Variants in LIPC observed in about 807,000 individuals in gnomAD.
LIPC encodes lipase C, hepatic type.
A neutral mutation model predicts 50.7 loss-of-function variants in LIPC; 44 were observed. The ratio of observed to expected loss-of-function variants is 0.87; its 90% CI spans 0.68 to 1.11. LIPC has a LOEUF of 1.11. Among genes scored for constraint, LIPC ranks in the 50% most tolerant of loss-of-function variants. The pLI is 0.00. For missense variants in LIPC, 697 were observed against 648.2 expected, an observed-to-expected ratio of 1.08 and a Z score of -0.82; for synonymous variants, 271 against 256.4, an observed-to-expected ratio of 1.06 and a Z score of -0.54.
intron 1 of LIPC, among the ~76,000 whole-genome samples, chr15:58,468,467 T>C (rs1356942237): frequency 6.6e-6 from 1 of 152,142 alleles, no homozygotes; most frequent in Non-Finnish European, 1.5e-5. Flanking sequence ...AAGATTCTGA[T>C]GCACACCCGT....
intron 1 of LIPC, chr15:58,432,378 T>C (rs1489536621): frequency 1.9e-6 from 1 of 521,486 alleles, no homozygotes. Flanking sequence ...GCGTATCTGA[T>C]ATGGAAACAG....
chr15:58,467,487 A>T (rs1469741947), intron 1 of LIPC, among the ~76,000 whole-genome samples: 2 of 152,158 alleles, frequency 1.3e-5, no homozygotes, highest in Non-Finnish European at 2.9e-5. Flanking sequence ...AGAGCTTTGC[A>T]GCCACTTTTA....
At chr15:58,439,303 T>C (rs931480654) in intron 1 of LIPC, among the ~76,000 whole-genome samples, 9 of 152,226 alleles carry the variant, frequency 5.9e-5, no homozygotes, top group Non-Finnish European at 1.0e-4. Context: ...AATGTTATAG[T>C]ATGTATATGG....
At chr15:58,458,875 G>T (rs1894230855) in intron 1 of LIPC, among the ~76,000 whole-genome samples, 1 of 152,204 alleles carries the variant, frequency 6.6e-6, no homozygotes, top group African/African-American at 2.4e-5. Flanking sequence ...TGTTCCTCAG[G>T]AGATGATTAA....
chr15:58,512,088 C>CT (rs1318887293), intron 1 of LIPC, among the ~76,000 whole-genome samples: 5 of 151,520 alleles, frequency 3.3e-5, no homozygotes, highest in Non-Finnish European at 5.9e-5. Context: ...TCTATGTTTT[C>CT]TTTTTTTTCT....
intron 1 of LIPC, among the ~76,000 whole-genome samples, chr15:58,507,291 AAAAGAAGG>A (rs1892183415): frequency 6.6e-6 from 1 of 152,210 alleles, no homozygotes; most frequent in Non-Finnish European, 1.5e-5. Context: ...TTTCTCTAAA[AAAAGAAGG>A]AAAGAAGGAA....
At chr15:58,537,012 T>A (rs958334773) in intron 1 of LIPC, among the ~76,000 whole-genome samples, 1 of 152,192 alleles carries the variant, frequency 6.6e-6, no homozygotes, top group Admixed American at 6.5e-5. Flanking sequence ...AGGGTCCTTA[T>A]TAAATGGGCT....
chr15:58,548,465 G>A lies in LIPC; in HGVS notation c.944G>A (p.Ser315Asn). 6.2e-7 allele frequency: 1 copy of A among 1,613,120 alleles called. No individual in the cohort carries two copies. The highest frequency in any genetic ancestry group is 8.5e-7 in the Non-Finnish European group (1 of 1,179,554). The part of the protein sequence containing the change: ...MNSFSQGLCL[S>N]CKKGRCNTLG... ...AGCTTCAGCCAGGGCCTGTGCCTGAGCTGCAAGAAGGGCCGCTGCAACACG... is the reference window on the plus strand; with the variant it reads ...AGCTTCAGCCAGGGCCTGTGCCTGAACTGCAAGAAGGGCCGCTGCAACACG... The change falls in exon 6 of 9, where the codon AGC becomes AAC. Residue 315 changes from serine (S) to asparagine (N), a missense_variant. Coordinates refer to ENST00000299022, the MANE Select transcript of LIPC (RefSeq NM_000236.3).
chr15:58,544,063 C>A (rs772056018), intron 4 of LIPC, among the ~76,000 whole-genome samples: 1 of 152,192 alleles, frequency 6.6e-6, no homozygotes, highest in Non-Finnish European at 1.5e-5. Flanking sequence ...TTTCCTCATG[C>A]TTTTTTGTTC....
chr15:58,539,112 G>C (rs756904969), intron 2 of LIPC, among the ~76,000 whole-genome samples: 1 of 152,188 alleles, frequency 6.6e-6, no homozygotes, highest in Non-Finnish European at 1.5e-5. Context: ...CATAGTCCAA[G>C]ATGGCAGCTA....
At chr15:58,466,232 A>G (rs1278507308) in intron 1 of LIPC, among the ~76,000 whole-genome samples, 1 of 152,248 alleles carries the variant, frequency 6.6e-6, no homozygotes, top group African/African-American at 2.4e-5. Flanking sequence ...CATTTGGTCA[A>G]CTTTCCACCT....
At chr15:58,517,203 G>A (rs1157746112) in intron 1 of LIPC, among the ~76,000 whole-genome samples, 1 of 152,216 alleles carries the variant, frequency 6.6e-6, no homozygotes, top group African/African-American at 2.4e-5. Flanking sequence ...ACTCTCCTGT[G>A]TATTCACAAG....
chr15:58,569,542 G>A lies in LIPC; in HGVS notation c.*715G>A, dbSNP rs2140968418. ...TGTCTCAAAGCATTTGCTATGGACT[G>A]AATGTTTGAGTCACCCCAAAATTCA... On this transcript the variant is annotated 3_prime_UTR_variant, in exon 9 of 9. Transcript: ENST00000299022. 6.6e-6 allele frequency: 1 copy of A among 152,310 alleles called. No individual in the cohort carries two copies. Among genetic ancestry groups the A allele is most frequent in the Middle Eastern group, 3.4e-3 (1 of 294 alleles). 9.4% of individuals were successfully genotyped at this position (152,310 alleles called of 1,614,324 possible).
chr15:58,497,683 A>T (rs1335160313), intron 1 of LIPC: 1 of 152,426 alleles, frequency 6.6e-6, no homozygotes, highest in African/African-American at 2.4e-5. Context: ...AGGTCAGCAC[A>T]ATGCTCTCCC....
Position 58,563,281 on chromosome 15 carries a change from A to G in LIPC, c.1170-224A>G, listed in dbSNP as rs7176457. ...TTCTCGGAGCCTTTTTGATGTGTTA[A>G]CCAGAAAATAGTATAGTTTTCGCAA... On this transcript the variant is annotated intron_variant, in intron 7 of 8. Coordinates refer to ENST00000299022, the MANE Select transcript of LIPC (RefSeq NM_000236.3). Among the ~76,000 whole-genome samples, 148,496 of 152,282 alleles carry G rather than the reference A, an allele frequency of 0.98. 72,519 individuals are homozygous for G. The highest frequency in any genetic ancestry group is 1 in the East Asian group (5,180 of 5,180).
intron 1 of LIPC, among the ~76,000 whole-genome samples, chr15:58,502,828 G>C (rs540193564): frequency 2.0e-5 from 3 of 152,080 alleles, no homozygotes; most frequent in Non-Finnish European, 2.9e-5. Context: ...CCATGTGCCA[G>C]ACAGCCCAAC....
intron 1 of LIPC, among the ~76,000 whole-genome samples, chr15:58,473,057 G>A (rs1389755748): frequency 1.3e-5 from 2 of 152,322 alleles, no homozygotes; most frequent in South Asian, 2.1e-4. Context: ...CAGCTGGGGA[G>A]GGGGAGGACG....
At chr15:58,445,071 G>A (rs745322099) in intron 1 of LIPC, among the ~76,000 whole-genome samples, 4 of 152,252 alleles carry the variant, frequency 2.6e-5, no homozygotes, top group Admixed American at 6.5e-5. Context: ...CACAGGAGCC[G>A]GCTGGCCGGC....
At chr15:58,433,732 C>A (rs1187938609) in intron 1 of LIPC, among the ~76,000 whole-genome samples, 1 of 152,202 alleles carries the variant, frequency 6.6e-6, no homozygotes, top group Non-Finnish European at 1.5e-5. Context: ...TTTCCTTGAG[C>A]AATCTCATTG....
Sources: gnomAD v4.1 joint callset for allele counts (sites outside exome capture counted in the v4.1 genomes callset) on GRCh38, gnomAD v4.1.1 for gene constraint, MANE v1.5 for transcripts, NCBI Gene and HGNC (gene_info 2026-07-23, HGNC 2026-07-21) for gene names.